Variants in INPP5E observed in about 807,000 individuals in gnomAD.
The protein encoded by INPP5E is phosphatidylinositol polyphosphate 5-phosphatase type IV.
In INPP5E, 34 loss-of-function variants were observed where a neutral mutation model predicts 50.5. That is an observed-to-expected ratio of 0.67 (90% CI 0.51 to 0.90). The LOEUF is 0.90. Ranked by LOEUF, INPP5E falls within the 40% of genes least tolerant of loss-of-function variation. The pLI is 0.00. For synonymous variants in INPP5E, 447 were observed against 406.0 expected (o/e 1.10, Z -1.21); for missense variants, 942 against 905.5 (o/e 1.04, Z -0.52).
chr9:136,434,914 G>A, intron 1 of INPP5E, 51 bp from the exon 2 acceptor site: 1 of 1,574,296 alleles, frequency 6.4e-7, no homozygotes. Context: ...CACATCCCTG[G>A]GGGTCTGGGC....
chr9:136,433,303 G>A (rs1835757826), intron 3 of INPP5E, 24 bp from the exon 4 acceptor site: 4 of 1,562,262 alleles, frequency 2.6e-6, no homozygotes, highest in Non-Finnish European at 3.4e-6. Flanking sequence ...AGCACGGCCG[G>A]CTGGGGGACA....
chr9:136,431,079 A>G lies in INPP5E; in HGVS notation c.1588T>C (p.Phe530Leu). The G allele has an allele frequency of 6.2e-7, 1 of 1,612,996 alleles. No homozygotes were observed. The highest frequency in any genetic ancestry group is 1.1e-5 in the South Asian group (1 of 91,070). Residue 530 changes from phenylalanine (F) to leucine (L), a missense_variant, in exon 8 of 10, where the codon TTC becomes CTC. By Grantham distance (22) the Phe-to-Leu change is conservative. Transcript: ENST00000371712. ...ATGTCAAACTTGTATGATGGGAGGA[A>G]GTGGATGTCCGGCTCCTGGAAGCCC... Reference protein sequence around the residue: ...FKGFQEPDIHFLPSYKFDIGK... With the variant: ...FKGFQEPDIHLLPSYKFDIGK...
At chr9:136,434,225 G>C in intron 2 of INPP5E, 91 bp from the exon 3 acceptor site, 1 of 871,428 alleles carries the variant, frequency 1.1e-6, no homozygotes, top group Non-Finnish European at 1.8e-6. Context: ...GAGTACCAGC[G>C]ACTCCTCCGA....
At position 136,439,292 on chromosome 9, in the gene INPP5E, G is replaced by C; in HGVS notation, c.128C>G (p.Pro43Arg). The C allele has an allele frequency of 6.9e-7, 1 of 1,443,600 alleles. No individual in the cohort carries two copies. The highest frequency in any genetic ancestry group is 9.0e-7 in the Non-Finnish European group (1 of 1,107,772). 89.4% of individuals were successfully genotyped at this position (1,443,600 alleles called of 1,614,324 possible). Residue 43 changes from proline to arginine, a missense_variant, in exon 1 of 10, where the codon CCG becomes CGG. Pro to Arg is a moderately radical substitution (Grantham distance 103, BLOSUM62 -2). Coordinates refer to ENST00000371712, the MANE Select transcript of INPP5E (RefSeq NM_019892.6). Reference sequence around the variant, plus strand: ...GGCAAGCGCGGGGCTCTCGGAGCCCGGAGCATCGGGTGGGGACCCCGCGCG... The same window carrying C: ...GGCAAGCGCGGGGCTCTCGGAGCCCCGAGCATCGGGTGGGGACCCCGCGCG... ...AQRAGSPPDA[P>R]GSESPALACS...
At chr9:136,434,233 C>T (rs1835779096) in intron 2 of INPP5E, 99 bp from the exon 3 acceptor site, 5 of 829,268 alleles carry the variant, frequency 6.0e-6, no homozygotes, top group East Asian at 2.6e-5. Flanking sequence ...GCGACTCCTC[C>T]GAATGAGGGG....
intron 9 of INPP5E, 115 bp from the exon 10 acceptor site, chr9:136,429,922 G>GGGGCTGTTAGGT: frequency 1.2e-6 from 1 of 800,968 alleles, no homozygotes; most frequent in Non-Finnish European, 2.1e-6. Flanking sequence ...GCCAGGATGA[G>GGGGCTGTTAGGT]GGGCTGTTAG....
intron 5 of INPP5E, 93 bp from the exon 6 acceptor site, chr9:136,432,679 A>AC: frequency 3.0e-6 from 3 of 983,946 alleles, no homozygotes; most frequent in Non-Finnish European, 1.6e-6. Flanking sequence ...CTGACTGCGC[A>AC]CCCCCGGCAG....
rs863225201 is a variant in INPP5E at position 136,433,073 on chromosome 9, C to A, written c.1162G>T (p.Val388Leu). The change falls in exon 5 of 10, where the codon GTG (valine) becomes TTG (leucine). Residue 388 changes from valine to leucine, a missense_variant and splice_region_variant. Coordinates refer to ENST00000371712, the MANE Select transcript of INPP5E (RefSeq NM_019892.6). ...RRDLIWFCSE[V>L]ECSTVTTRIV... ...CGTGTGGTCACCGTGGAGCACTCCA[C>A]CTCTGTGGGAGGGGCAGCCCTCAGC... 1.7e-5 allele frequency: 28 copies of A among 1,611,524 alleles called. No individual in the cohort carries two copies. The highest frequency in any genetic ancestry group is 2.0e-5 in the Non-Finnish European group (24 of 1,179,934).
In INPP5E at chr9:136,432,604, G is replaced by A. The variant is rs1835734923; in HGVS notation, c.1280-18C>T. 7 of 1,481,672 alleles carry A rather than the reference G, an allele frequency of 4.7e-6. No individual in the cohort carries two copies. The highest frequency in any genetic ancestry group is 1.7e-4 in the Middle Eastern group (1 of 5,850). 91.8% of individuals were successfully genotyped at this position (1,481,672 alleles called of 1,614,324 possible). A position where few individuals can be genotyped will look rare whatever the true frequency, so the allele number is the denominator to read the frequency against. ...GTCACCTGCTGTGGGAACAGAAATG[G>A]GGTAGGGACCACAGGGTTCCGGATG... On this transcript the variant is annotated intron_variant, in intron 5 of 9. Transcript: ENST00000371712.
rs1835934180 is a variant in INPP5E, at chr9:136,439,357, C to T, written c.63G>A (p.Arg21=). 2.1e-6 allele frequency: 3 copies of T among 1,444,370 alleles called. No individual in the cohort carries two copies. The highest frequency in any genetic ancestry group is 4.9e-4 in the Middle Eastern group (2 of 4,110). The allele number at this position is 1,444,370 out of a possible 1,614,324, so 89.5% of individuals were successfully genotyped here. A position where few individuals can be genotyped will look rare whatever the true frequency, so the allele number is the denominator to read the frequency against. Residue 21 remains arginine (R), a synonymous_variant, in exon 1 of 10, where the codon AGG becomes AGA. Transcript: ENST00000371712. The part of the protein sequence containing the change: ...SEPAPQPPEG[R]TLQGQLPGAP... ...CGCCGGGAAGCTGTCCTTGGAGCGTCCTCCCTTCCGGCGGCTGCGGGGCCG... is the reference window on the plus strand; with the variant it reads ...CGCCGGGAAGCTGTCCTTGGAGCGTTCTCCCTTCCGGCGGCTGCGGGGCCG...
chr9:136,439,131 G>A lies in INPP5E; in HGVS notation c.289C>T (p.Arg97Ter). ...DDKGWRRRRF[R>*]GSQEDLEARN... ...GCTTCCAGGTCCTCCTGGCTGCCTC[G>A]AAAACGCCTCCTCCTCCAGCCCTTG... Residue 97 changes from arginine to a stop codon, truncating the protein, a stop_gained, in exon 1 of 10, where the codon CGA becomes TGA. Transcript: ENST00000371712. LOFTEE classifies it high-confidence loss of function. The A allele has an allele frequency of 6.3e-7, 1 of 1,584,914 alleles. No homozygotes were observed. Among genetic ancestry groups the A allele is most frequent in the Non-Finnish European group, 8.6e-7 (1 of 1,169,254 alleles).
chr9:136,438,860 C>G lies in INPP5E; in HGVS notation c.560G>C (p.Ser187Thr), dbSNP rs575967532. The change falls in exon 1 of 10, where the codon AGC becomes ACC. Residue 187 changes from serine to threonine, a missense_variant. Transcript: ENST00000371712. Reference sequence around the variant, plus strand: ...AGGCGGTGGGCGCGGGGGCAGCAGGCTGGGCAGCCTGGGCGAGCTCCCCGC... The same window carrying G: ...AGGCGGTGGGCGCGGGGGCAGCAGGGTGGGCAGCCTGGGCGAGCTCCCCGC... Reference protein sequence around the residue: ...AVAGSSPRLPSLLPPRPPPAL... With the variant: ...AVAGSSPRLPTLLPPRPPPAL... 1 of 1,593,608 alleles carries G rather than the reference C, an allele frequency of 6.3e-7. No homozygotes were observed. Among genetic ancestry groups the G allele is most frequent in the East Asian group, 2.3e-5 (1 of 43,954 alleles).
chr9:136,430,916 G>C (rs1301693820), intron 8 of INPP5E, 86 bp downstream of exon 8: 3 of 963,790 alleles, frequency 3.1e-6, no homozygotes, highest in Non-Finnish European at 5.0e-6. Context: ...TCCAGGCTCA[G>C]ACCCCTGACG....
Position 136,431,903 on chromosome 9 carries a change from G to A in INPP5E, c.1470C>T (p.Asp490=), listed in dbSNP as rs375301475. ...FRLSGGRTVV[D]ALLCQGLVVD... is the part of the protein sequence containing the mutation. ...CCACCAGGCCCTGGCACAGGAGGGC[G>A]TCCACGACTGTGCGCCCGCCACTCA... The change falls in exon 7 of 10, where the codon GAC becomes GAT. Residue 490 remains aspartate, a synonymous_variant. Coordinates refer to ENST00000371712, the MANE Select transcript of INPP5E (RefSeq NM_019892.6). The A allele has an allele frequency of 7.3e-5, 117 of 1,610,670 alleles. 1 individual carries two copies. Among genetic ancestry groups the A allele is most frequent in the South Asian group, 5.1e-4 (46 of 90,930 alleles).
In INPP5E at chr9:136,433,279, C is replaced by G. The variant is rs1298311798; in HGVS notation, c.1035G>C (p.Arg345Ser). The G allele has an allele frequency of 1.3e-6, 2 of 1,582,320 alleles. No homozygotes were observed. Among genetic ancestry groups the G allele is most frequent in the Non-Finnish European group, 8.5e-7 (1 of 1,171,222 alleles). The change falls in exon 4 of 10, where the codon AGG becomes AGC. Residue 345 changes from arginine to serine, a missense_variant and splice_region_variant. Physicochemically the swap from Arg to Ser is moderately radical, Grantham distance 110. Coordinates refer to ENST00000371712, the MANE Select transcript of INPP5E (RefSeq NM_019892.6). Reference sequence around the variant, plus strand: ...CCTGCAGACGAGTCTCCCACTCCCGCCTGCAGAGGAGGAAGCACGGCCGGC... The same window carrying G: ...CCTGCAGACGAGTCTCCCACTCCCGGCTGCAGAGGAGGAAGCACGGCCGGC... ...VIGVQEGCSD[R>S]REWETRLQET...
rs779363781 is a variant in INPP5E at position 136,433,048 on chromosome 9, C to T, written c.1187G>A (p.Arg396His). Residue 396 changes from arginine (R) to histidine (H), a missense_variant, in exon 5 of 10, where the codon CGC (arginine) becomes CAC (histidine). By Grantham distance (29) the Arg-to-His change is conservative. Transcript: ENST00000371712. The part of the protein sequence containing the change: ...SEVECSTVTT[R>H]IVSQIKTKGA... ...CTTGGTCTTGATCTGAGACACGATG[C>T]GTGTGGTCACCGTGGAGCACTCCAC... The T allele has an allele frequency of 3.1e-6, 5 of 1,613,294 alleles. No homozygotes were observed. Among genetic ancestry groups the T allele is most frequent in the African/African-American group, 2.7e-5 (2 of 74,762 alleles).
Position 136,434,758 on chromosome 9 carries a change from C to G in INPP5E, c.918G>C (p.Trp306Cys). ...DRNVALFVAT[W>C]NMQGQKELPP... ...CACTCACCTTCTGGCCCTGCATGTT[C>G]CAGGTGGCCACGAAGAGTGCCACGT... Residue 306 changes from tryptophan (W) to cysteine (C), a missense_variant, in exon 2 of 10, where the codon TGG (tryptophan) becomes TGC (cysteine). By Grantham distance (215) the Trp-to-Cys change is radical. Transcript: ENST00000371712. 1 of 1,548,890 alleles carries G rather than the reference C, an allele frequency of 6.5e-7. No individual in the cohort carries two copies. Among genetic ancestry groups the G allele is most frequent in the Non-Finnish European group, 8.8e-7 (1 of 1,142,288 alleles).
At chr9:136,430,135 A>C in intron 9 of INPP5E, 142 bp downstream of exon 9, 1 of 1,144,610 alleles carries the variant, frequency 8.7e-7, no homozygotes, top group African/African-American at 1.5e-5. Context: ...GGATGAGTCC[A>C]ACCGATCCCG....
intron 6 of INPP5E, 141 bp downstream of exon 6, chr9:136,432,337 GC>G: frequency 1.4e-6 from 1 of 704,496 alleles, no homozygotes; most frequent in South Asian, 1.5e-5. Context: ...ACCGCGAGGG[GC>G]CATGCGCTGG....
Sources: allele counts gnomAD v4.1 joint callset, GRCh38; gene constraint gnomAD v4.1.1; transcripts MANE v1.5; gene names NCBI Gene and HGNC (gene_info 2026-07-23, HGNC 2026-07-21).